The following WWOX variants were observed in gnomAD, a reference collection of about 807,000 sequenced individuals.
The protein encoded by WWOX is WW domain-containing oxidoreductase.
WWOX carries 69 observed loss-of-function variants against 46.2 expected under a neutral mutation model. The ratio of observed to expected loss-of-function variants is 1.49; its 90% CI spans 1.23 to 1.82. WWOX has a LOEUF of 1.82. Among genes scored for constraint, WWOX ranks in the 40% most tolerant of loss-of-function variants. The pLI, the probability that WWOX is intolerant of heterozygous loss-of-function variation, is 0.00. For synonymous variants in WWOX, 359 were observed against 202.6 expected, an observed-to-expected ratio of 1.77 and a Z score of -6.56; for missense variants, 919 against 542.6, an observed-to-expected ratio of 1.69 and a Z score of -6.89.
chr16:78,107,095 G>C (rs531424977), intron 1 of WWOX, among the ~76,000 whole-genome samples: 1 of 152,304 alleles, frequency 6.6e-6, no homozygotes, highest in African/African-American at 2.4e-5. Context: ...TAAAATAATT[G>C]ATAGGGAAAG....
At chr16:78,968,509 A>C (rs1218274992) in intron 8 of WWOX, among the ~76,000 whole-genome samples, 2 of 152,200 alleles carry the variant, frequency 1.3e-5, no homozygotes, top group Non-Finnish European at 2.9e-5. Flanking sequence ...TTCATTGTTA[A>C]CCATCACAAG....
At chr16:78,729,095 C>T (rs1253051290) in intron 8 of WWOX, among the ~76,000 whole-genome samples, 1 of 152,134 alleles carries the variant, frequency 6.6e-6, no homozygotes, top group Non-Finnish European at 1.5e-5. Flanking sequence ...GCAATCCCAG[C>T]ACTTTGGGAG....
chr16:78,517,061 T>G (rs183074439), intron 8 of WWOX, among the ~76,000 whole-genome samples: 1,631 of 152,318 alleles, frequency 0.011, 26 homozygotes, highest in Middle Eastern at 0.044. Flanking sequence ...TTTTAAAGTT[T>G]TATGAAAAAG....
intron 5 of WWOX, among the ~76,000 whole-genome samples, chr16:78,274,872 A>G (rs1220060955): frequency 6.6e-6 from 1 of 152,190 alleles, no homozygotes; most frequent in East Asian, 1.9e-4. Flanking sequence ...ATGGAAGTAC[A>G]CTGAGTCTCT....
At chr16:78,764,802 T>C (rs1287220629) in intron 8 of WWOX, among the ~76,000 whole-genome samples, 1 of 151,812 alleles carries the variant, frequency 6.6e-6, no homozygotes, top group Non-Finnish European at 1.5e-5. Flanking sequence ...GGTAAACAAC[T>C]TACCTAGGTC....
At chr16:79,183,186 C>T (rs775302112) in intron 8 of WWOX, among the ~76,000 whole-genome samples, 1 of 152,212 alleles carries the variant, frequency 6.6e-6, no homozygotes, top group Non-Finnish European at 1.5e-5. Context: ...CACCATGAGG[C>T]AGGGCTAGCC....
intron 8 of WWOX, among the ~76,000 whole-genome samples, chr16:79,092,485 C>T (rs951976218): frequency 1.3e-5 from 2 of 152,210 alleles, no homozygotes; most frequent in African/African-American, 2.4e-5. Flanking sequence ...CAGGCTGACC[C>T]TATACATCTT....
chr16:78,706,107 A>G (rs150936458), intron 8 of WWOX, among the ~76,000 whole-genome samples: 5 of 137,706 alleles, frequency 3.6e-5, no homozygotes, highest in African/African-American at 8.2e-5. Context: ...TTTGATGGCA[A>G]GTGTGATCAC....
chr16:79,008,191 G>A (rs1458845724), intron 8 of WWOX, among the ~76,000 whole-genome samples: 1 of 152,170 alleles, frequency 6.6e-6, no homozygotes, highest in Non-Finnish European at 1.5e-5. Context: ...GCAGCCCCTA[G>A]AGGCTATTCT....
intron 5 of WWOX, among the ~76,000 whole-genome samples, chr16:78,225,576 A>G (rs922663340): frequency 6.6e-6 from 1 of 152,108 alleles, no homozygotes; most frequent in East Asian, 1.9e-4. Flanking sequence ...GAACGTGCCT[A>G]TGTTTGACTT....
At chr16:79,034,289 C>A (rs991769612) in intron 8 of WWOX, among the ~76,000 whole-genome samples, 1 of 152,140 alleles carries the variant, frequency 6.6e-6, no homozygotes, top group Non-Finnish European at 1.5e-5. Flanking sequence ...AAATGAAAAG[C>A]ACCATTATTA....
intron 5 of WWOX, among the ~76,000 whole-genome samples, chr16:78,214,433 C>G (rs900374251): frequency 1.3e-5 from 2 of 152,122 alleles, no homozygotes; most frequent in African/African-American, 4.8e-5. Flanking sequence ...TGTGCACAAT[C>G]GAAGTCTGCT....
At chr16:78,513,030 T>G (rs945221020) in intron 8 of WWOX, among the ~76,000 whole-genome samples, 17 of 152,286 alleles carry the variant, frequency 1.1e-4, no homozygotes, top group Admixed American at 9.8e-4. Context: ...TTAGGACAAT[T>G]TTTATGGCCC....
chr16:78,952,486 G>T (rs1014460694), intron 8 of WWOX, among the ~76,000 whole-genome samples: 1 of 151,448 alleles, frequency 6.6e-6, no homozygotes, highest in Admixed American at 6.6e-5. Flanking sequence ...AGGTTCAGGC[G>T]ATTCTCCTGC....
chr16:79,104,914 T>G (rs185181106), intron 8 of WWOX, among the ~76,000 whole-genome samples: 1 of 152,322 alleles, frequency 6.6e-6, no homozygotes, highest in African/African-American at 2.4e-5. Context: ...ACTCTGCGCC[T>G]GGCTAATTAC....
At chr16:78,187,332 C>G (rs1480818365) in intron 5 of WWOX, among the ~76,000 whole-genome samples, 1 of 152,106 alleles carries the variant, frequency 6.6e-6, no homozygotes, top group Non-Finnish European at 1.5e-5. Flanking sequence ...TCTTTGAGGC[C>G]AAGCACGGTG....
intron 8 of WWOX, chr16:78,525,695 G>C (rs965465010): frequency 2.0e-5 from 3 of 152,122 alleles, no homozygotes; most frequent in East Asian, 1.9e-4. Flanking sequence ...GGGCTGGACA[G>C]AGCATTCAAT....
At chr16:78,852,722 G>A (rs528270835) in intron 8 of WWOX, among the ~76,000 whole-genome samples, 5 of 152,136 alleles carry the variant, frequency 3.3e-5, no homozygotes, top group Admixed American at 2.0e-4. Context: ...GCCCATATGC[G>A]CTGCCTACAG....
At chr16:78,726,332 T>C (rs955998434) in intron 8 of WWOX, among the ~76,000 whole-genome samples, 6 of 151,900 alleles carry the variant, frequency 3.9e-5, no homozygotes, top group East Asian at 3.9e-4. Flanking sequence ...TCAAGTGATC[T>C]TCCCCACCTC....
Sources: allele counts gnomAD v4.1 joint callset (sites outside exome capture counted in the v4.1 genomes callset), GRCh38; gene constraint gnomAD v4.1.1; transcripts MANE v1.5; gene names NCBI Gene and HGNC (gene_info 2026-07-23, HGNC 2026-07-21).